INPP4B: variants seen among roughly 807,000 people sequenced by gnomAD.
INPP4B encodes inositol polyphosphate 4-phosphatase type II.
In INPP4B, 55 loss-of-function variants were observed where a neutral mutation model predicts 122.5. The observed-to-expected ratio is 0.45, with a 90% CI of 0.36 to 0.56. The LOEUF is 0.56. Among genes scored for constraint, INPP4B ranks in the 20% least tolerant of loss-of-function variants. INPP4B has a pLI of 0.00. For missense variants in INPP4B, 1,000 were observed against 1,097.7 expected (o/e 0.91, Z 1.26); for synonymous variants, 403 against 388.7 (o/e 1.04, Z -0.43).
intron 15 of INPP4B, among the ~76,000 whole-genome samples, chr4:142,187,990 T>TG (rs986502698): frequency 2.6e-5 from 4 of 152,024 alleles, no homozygotes; most frequent in African/African-American, 9.7e-5. Context: ...AGATTATATG[T>TG]GGGAAAAAAA....
At chr4:142,696,652 C>A (rs1761069698) in intron 2 of INPP4B, among the ~76,000 whole-genome samples, 2 of 152,138 alleles carry the variant, frequency 1.3e-5, no homozygotes, top group African/African-American at 4.8e-5. Context: ...TCTGCCTTGC[C>A]ATCAGCTACT....
chr4:142,405,185 T>A, intron 6 of INPP4B, 21 bp downstream of exon 6: 1 of 1,217,540 alleles, frequency 8.2e-7, no homozygotes, highest in Non-Finnish European at 1.2e-6. Flanking sequence ...GAGAGATTAA[T>A]GTAGGCACAC....
chr4:142,613,936 A>G (rs1010164450), intron 2 of INPP4B, among the ~76,000 whole-genome samples: 1 of 152,220 alleles, frequency 6.6e-6, no homozygotes, highest in African/African-American at 2.4e-5. Context: ...CTTCCACTGC[A>G]TCCCACCATG....
chr4:142,315,027 T>A (rs1766974096), intron 7 of INPP4B, among the ~76,000 whole-genome samples: 1 of 152,122 alleles, frequency 6.6e-6, no homozygotes, highest in South Asian at 2.1e-4. Context: ...GCAGATCTCT[T>A]TAATCTCCTA....
chr4:142,800,633 G>T (rs555969772), intron 1 of INPP4B, among the ~76,000 whole-genome samples: 190 of 152,198 alleles, frequency 1.2e-3, no homozygotes, highest in African/African-American at 4.5e-3. Flanking sequence ...AGTTCTAAAG[G>T]CAAAGCACTA....
chr4:142,589,513 A>T (rs1397442105), intron 2 of INPP4B, among the ~76,000 whole-genome samples: 1 of 152,146 alleles, frequency 6.6e-6, no homozygotes, highest in Non-Finnish European at 1.5e-5. Context: ...GATGTCAAAC[A>T]GCATATGAAA....
chr4:142,687,424 C>G (rs1353941224), intron 2 of INPP4B, among the ~76,000 whole-genome samples: 1 of 151,832 alleles, frequency 6.6e-6, no homozygotes, highest in African/African-American at 2.4e-5. Context: ...CAAAGAAATG[C>G]AAAGCACAAG....
At chr4:142,314,513 G>A (rs534398750) in intron 8 of INPP4B, among the ~76,000 whole-genome samples, 199 bp downstream of exon 8, 1 of 152,214 alleles carries the variant, frequency 6.6e-6, no homozygotes, top group Non-Finnish European at 1.5e-5. Flanking sequence ...GAATTCACTT[G>A]AGGATGATTT....
At chr4:142,581,066 C>T (rs1333700187) in intron 2 of INPP4B, among the ~76,000 whole-genome samples, 1 of 151,856 alleles carries the variant, frequency 6.6e-6, no homozygotes, top group African/African-American at 2.4e-5. Context: ...GGACTTATTT[C>T]TTGAAGGGGC....
intron 15 of INPP4B, among the ~76,000 whole-genome samples, chr4:142,179,256 T>C (rs1432927819): frequency 6.6e-6 from 1 of 151,992 alleles, no homozygotes; most frequent in Non-Finnish European, 1.5e-5. Context: ...GCAGCTTGCC[T>C]GAGTTCAGGA....
At chr4:142,614,105 A>G (rs1054160428) in intron 2 of INPP4B, among the ~76,000 whole-genome samples, 2 of 152,102 alleles carry the variant, frequency 1.3e-5, no homozygotes, top group African/African-American at 4.8e-5. Flanking sequence ...GGAACAGAAC[A>G]AAGAACCCAC....
intron 10 of INPP4B, among the ~76,000 whole-genome samples, chr4:142,261,403 G>A (rs1390568946): frequency 6.6e-6 from 1 of 152,206 alleles, no homozygotes; most frequent in African/African-American, 2.4e-5. Flanking sequence ...ATATGGGGGT[G>A]TGAGTGGGGA....
intron 1 of INPP4B, among the ~76,000 whole-genome samples, chr4:142,818,857 C>T (rs1294154663): frequency 6.6e-6 from 1 of 152,154 alleles, no homozygotes; most frequent in Admixed American, 6.6e-5. Context: ...CATTCTGTTA[C>T]ATTTTTACCC....
chr4:142,594,954 CAAAAAAAAAAAA>C (rs70949177), intron 2 of INPP4B, among the ~76,000 whole-genome samples: 9 of 58,046 alleles, frequency 1.6e-4, no homozygotes, highest in Non-Finnish European at 3.0e-4. Flanking sequence ...GACTCTGTCT[CAAAAAAAAAAAA>C]AAAAAAAAAA....
chr4:142,336,869 T>C (rs1451122745), intron 7 of INPP4B, among the ~76,000 whole-genome samples: 1 of 152,174 alleles, frequency 6.6e-6, no homozygotes, highest in Non-Finnish European at 1.5e-5. Flanking sequence ...TAGAAAAAAA[T>C]GCAACTTGAT....
At chr4:142,830,839 C>T (rs946435213) in intron 1 of INPP4B, among the ~76,000 whole-genome samples, 28 of 122,860 alleles carry the variant, frequency 2.3e-4, no homozygotes, top group Middle Eastern at 4.3e-3. Flanking sequence ...CATAGCAAAA[C>T]GCTGTCTCTA....
intron 25 of INPP4B, among the ~76,000 whole-genome samples, chr4:142,045,538 G>C (rs1457302187): frequency 6.6e-6 from 1 of 151,944 alleles, no homozygotes; most frequent in African/African-American, 2.4e-5. Flanking sequence ...TTCTAATATT[G>C]AGCATTTTTC....
At chr4:142,513,221 C>T (rs1824961901) in intron 2 of INPP4B, among the ~76,000 whole-genome samples, 1 of 152,158 alleles carries the variant, frequency 6.6e-6, no homozygotes, top group African/African-American at 2.4e-5. Context: ...TTAGCCCATT[C>T]AGGCTGCTTT....
chr4:142,621,992 C>T (rs767280764), intron 2 of INPP4B, among the ~76,000 whole-genome samples: 18 of 151,856 alleles, frequency 1.2e-4, no homozygotes, highest in Non-Finnish European at 2.4e-4. Context: ...GAAGGTTATA[C>T]AGTAAGTAAA....
Sources: gnomAD v4.1 joint callset for allele counts (sites outside exome capture counted in the v4.1 genomes callset) on GRCh38, gnomAD v4.1.1 for gene constraint, MANE v1.5 for transcripts, NCBI Gene and HGNC (gene_info 2026-07-23, HGNC 2026-07-21) for gene names.